The following GRM8 variants were observed in gnomAD, a reference collection of about 807,000 sequenced individuals.
GRM8 encodes glutamate metabotropic receptor 8.
GRM8 carries 47 observed loss-of-function variants against 87.2 expected under a neutral mutation model. That is an observed-to-expected ratio of 0.54 (90% CI 0.43 to 0.69). The LOEUF (loss-of-function observed/expected upper bound fraction) is 0.69. Among genes scored for constraint, GRM8 ranks in the 30% least tolerant of loss-of-function variants. The probability of loss-of-function intolerance (pLI) is 0.00; values close to 1 mark genes in which losing one functional copy is unlikely to be tolerated. For missense variants in GRM8, 1,019 were observed against 1,139.2 expected (o/e 0.89, Z 1.52); for synonymous variants, 396 against 404.5 (o/e 0.98, Z 0.25).
chr7:126,509,099 C>T lies in GRM8; in HGVS notation c.2430+23853G>A, dbSNP rs1036723953. Among the ~76,000 whole-genome samples, 25 of 151,798 alleles carry T rather than the reference C, an allele frequency of 1.6e-4. 1 individual carries two copies. Among genetic ancestry groups the T allele is most frequent in the Non-Finnish European group, 5.9e-5 (4 of 67,940 alleles). On this transcript the variant is annotated intron_variant, in intron 9 of 10. Transcript: ENST00000339582. ...TGGGAGCAAGAGGGACAAATGATGC[C>T]CAGAATAAATTTGAAAAGCATATTG...
chr7:126,856,830 C>T (rs1036274046), intron 6 of GRM8, among the ~76,000 whole-genome samples: 1 of 152,192 alleles, frequency 6.6e-6, no homozygotes, highest in African/African-American at 2.4e-5. Flanking sequence ...GACATATTAT[C>T]CACTGGAAGA....
chr7:126,970,448 C>T (rs539784720), intron 3 of GRM8, among the ~76,000 whole-genome samples: 1 of 152,214 alleles, frequency 6.6e-6, no homozygotes, highest in South Asian at 2.1e-4. Context: ...TTCCTGAAAC[C>T]TCAGATTCTT....
chr7:126,584,537 C>T (rs1379495757), intron 8 of GRM8, among the ~76,000 whole-genome samples: 1 of 152,200 alleles, frequency 6.6e-6, no homozygotes, highest in Non-Finnish European at 1.5e-5. Context: ...TTAGATGGCA[C>T]AGCAGAAATT....
chr7:127,100,400 C>T (rs1825123400), intron 3 of GRM8, among the ~76,000 whole-genome samples: 1 of 152,138 alleles, frequency 6.6e-6, no homozygotes, highest in African/African-American at 2.4e-5. Context: ...GAGAGCCCTC[C>T]CATGACCATA....
At chr7:126,854,137 A>C (rs1181216178) in intron 6 of GRM8, among the ~76,000 whole-genome samples, 1 of 152,146 alleles carries the variant, frequency 6.6e-6, no homozygotes, top group Non-Finnish European at 1.5e-5. Flanking sequence ...TGGGCAGAAA[A>C]TGAGTTGCTC....
At chr7:126,814,385 T>C (rs1793577422) in intron 6 of GRM8, among the ~76,000 whole-genome samples, 1 of 152,010 alleles carries the variant, frequency 6.6e-6, no homozygotes, top group South Asian at 2.1e-4. Context: ...TCATTGAAAC[T>C]CCAGAGATCA....
intron 8 of GRM8, among the ~76,000 whole-genome samples, chr7:126,576,151 T>A (rs2150998816): frequency 6.6e-6 from 1 of 152,264 alleles, no homozygotes; most frequent in Middle Eastern, 3.4e-3. Context: ...AAAACTAAAT[T>A]CTCACCAACA....
At chr7:126,601,414 C>T (rs1320914984) in intron 8 of GRM8, among the ~76,000 whole-genome samples, 3 of 152,182 alleles carry the variant, frequency 2.0e-5, no homozygotes, top group African/African-American at 4.8e-5. Context: ...GTCTTTATAG[C>T]AGCATGATTT....
At chr7:127,136,285 C>A (rs1827941138) in intron 2 of GRM8, among the ~76,000 whole-genome samples, 2 of 152,078 alleles carry the variant, frequency 1.3e-5, no homozygotes, top group South Asian at 4.1e-4. Flanking sequence ...ACAGGCAAAT[C>A]CAATACACTG....
chr7:127,072,267 C>T (rs187963369), intron 3 of GRM8, among the ~76,000 whole-genome samples: 2 of 152,288 alleles, frequency 1.3e-5, no homozygotes, highest in East Asian at 3.9e-4. Context: ...AGAAGCTCTC[C>T]CTATCTGCAC....
intron 2 of GRM8, among the ~76,000 whole-genome samples, chr7:127,211,489 A>T (rs550056337): frequency 6.6e-6 from 1 of 152,288 alleles, no homozygotes; most frequent in South Asian, 2.1e-4. Context: ...CAGTCCACTG[A>T]CTCAAATGTT....
intron 8 of GRM8, among the ~76,000 whole-genome samples, chr7:126,538,923 A>G (rs1356402841): frequency 6.6e-6 from 1 of 152,036 alleles, no homozygotes; most frequent in East Asian, 1.9e-4. Context: ...TATGCATTAT[A>G]TGTGTCTCTC....
intron 3 of GRM8, among the ~76,000 whole-genome samples, chr7:126,992,806 C>CGTGT (rs34876222): frequency 1.9e-4 from 28 of 147,420 alleles, no homozygotes; most frequent in East Asian, 6.0e-4. Context: ...TCTCTCTCTC[C>CGTGT]GTGTGTGTGT....
At chr7:126,925,542 TA>T (rs548632568) in intron 3 of GRM8, among the ~76,000 whole-genome samples, 11 of 152,016 alleles carry the variant, frequency 7.2e-5, no homozygotes, top group African/African-American at 2.2e-4. Flanking sequence ...GAAAAATTTC[TA>T]AAAAAAATAT....
intron 9 of GRM8, among the ~76,000 whole-genome samples, chr7:126,481,504 G>C (rs1584767213): frequency 6.6e-6 from 1 of 151,932 alleles, no homozygotes; most frequent in Non-Finnish European, 1.5e-5. Flanking sequence ...TCATATCCTT[G>C]ATATGATACA....
chr7:126,610,669 A>G (rs1798831020), intron 7 of GRM8, among the ~76,000 whole-genome samples: 1 of 152,252 alleles, frequency 6.6e-6, no homozygotes, highest in African/African-American at 2.4e-5. Context: ...TAAAATATTT[A>G]ACTTATCAAA....
chr7:127,148,926 C>CA (rs1272338179), intron 2 of GRM8, among the ~76,000 whole-genome samples: 1 of 151,910 alleles, frequency 6.6e-6, no homozygotes, highest in African/African-American at 2.4e-5. Flanking sequence ...ACACCACACA[C>CA]AAAAATCAAC....
chr7:126,903,749 A>G (rs10227060), intron 5 of GRM8, among the ~76,000 whole-genome samples: 4 of 105,284 alleles, frequency 3.8e-5, no homozygotes, highest in African/African-American at 1.4e-4. Context: ...ATATATATGT[A>G]TATGTGTATA....
intron 7 of GRM8, among the ~76,000 whole-genome samples, chr7:126,752,460 T>G (rs1474507015): frequency 6.6e-6 from 1 of 152,136 alleles, no homozygotes. Context: ...GTTCACAGTG[T>G]GAACTTCAAG....
Sources: allele counts gnomAD v4.1 joint callset (sites outside exome capture counted in the v4.1 genomes callset), GRCh38; gene constraint gnomAD v4.1.1; transcripts MANE v1.5; gene names NCBI Gene and HGNC (gene_info 2026-07-23, HGNC 2026-07-21).